The following ST6GALNAC3 variants were observed in gnomAD, a reference collection of about 807,000 sequenced individuals.
The protein encoded by ST6GALNAC3 is alpha-N-acetylgalactosaminide alpha-2,6-sialyltransferase 3.
ST6GALNAC3 carries 25 observed loss-of-function variants against 32.7 expected under a neutral mutation model. That is an observed-to-expected ratio of 0.76 (90% CI 0.56 to 1.07). The LOEUF is 1.07. Among genes scored for constraint, ST6GALNAC3 ranks in the 50% least tolerant of loss-of-function variants. The probability of loss-of-function intolerance (pLI) is 0.00; values close to 1 mark genes in which losing one functional copy is unlikely to be tolerated. For synonymous variants in ST6GALNAC3, 129 were observed against 133.1 expected (o/e 0.97, Z 0.21); for missense variants, 355 against 382.4 (o/e 0.93, Z 0.60).
chr1:76,379,932 G>A (rs186631731), intron 2 of ST6GALNAC3, among the ~76,000 whole-genome samples: 1 of 152,176 alleles, frequency 6.6e-6, no homozygotes, highest in Non-Finnish European at 1.5e-5. Flanking sequence ...GAAGAGGAAG[G>A]GGGAGGATAT....
chr1:76,612,918 G>A (rs1029501300), intron 3 of ST6GALNAC3, among the ~76,000 whole-genome samples: 8 of 152,188 alleles, frequency 5.3e-5, no homozygotes, highest in African/African-American at 9.7e-5. Context: ...TTGTGCTGAC[G>A]GAGAACTACA....
chr1:76,225,446 T>C (rs1213594388), intron 1 of ST6GALNAC3, among the ~76,000 whole-genome samples: 3 of 152,032 alleles, frequency 2.0e-5, no homozygotes, highest in African/African-American at 7.2e-5. Flanking sequence ...TTAATGAAGA[T>C]GAGAAACAGA....
intron 1 of ST6GALNAC3, among the ~76,000 whole-genome samples, chr1:76,306,293 G>C (rs1189470059): frequency 6.6e-6 from 1 of 151,960 alleles, no homozygotes; most frequent in East Asian, 1.9e-4. Flanking sequence ...CAATTGTATA[G>C]ACTCTTATTG....
intron 2 of ST6GALNAC3, among the ~76,000 whole-genome samples, chr1:76,341,678 T>TTTCTTTCTTTCCTTCC (rs1421303857): frequency 8.3e-6 from 1 of 121,202 alleles, no homozygotes; most frequent in Non-Finnish European, 1.7e-5. Context: ...TCTTTCTTTC[T>TTTCTTTCTTTCCTTCC]TTCCTTCTTT....
chr1:76,593,294 G>T (rs574215209), intron 3 of ST6GALNAC3, among the ~76,000 whole-genome samples: 15 of 152,246 alleles, frequency 9.9e-5, no homozygotes, highest in Admixed American at 3.3e-4. Context: ...GAACTGTGTT[G>T]TTTTGAAGAC....
At chr1:76,576,601 C>T (rs188732917) in intron 3 of ST6GALNAC3, among the ~76,000 whole-genome samples, 1 of 151,962 alleles carries the variant, frequency 6.6e-6, no homozygotes. Context: ...CTCTGGCTTA[C>T]AAAAGAGACA....
chr1:76,600,227 A>G (rs1647201913), intron 3 of ST6GALNAC3, among the ~76,000 whole-genome samples: 1 of 152,116 alleles, frequency 6.6e-6, no homozygotes, highest in East Asian at 1.9e-4. Flanking sequence ...TACACAGAAG[A>G]GGGCTCTCAC....
intron 3 of ST6GALNAC3, among the ~76,000 whole-genome samples, chr1:76,513,168 G>A (rs1459769031): frequency 6.6e-6 from 1 of 151,824 alleles, no homozygotes; most frequent in Non-Finnish European, 1.5e-5. Context: ...TTGCTTTTGT[G>A]TCCTATGCTT....
At chr1:76,589,974 T>G (rs140910766) in intron 3 of ST6GALNAC3, among the ~76,000 whole-genome samples, 17 of 152,226 alleles carry the variant, frequency 1.1e-4, no homozygotes, top group Non-Finnish European at 2.4e-4. Flanking sequence ...CAGCGTCACC[T>G]TCTCTTTCAA....
At chr1:76,352,050 G>T (rs533576201) in intron 2 of ST6GALNAC3, among the ~76,000 whole-genome samples, 1 of 151,760 alleles carries the variant, frequency 6.6e-6, no homozygotes, top group South Asian at 2.1e-4. Flanking sequence ...TGTGGGAGGG[G>T]GTATAAGTAG....
In ST6GALNAC3 at chr1:76,342,755, T is replaced by TA. The variant is rs530657359; in HGVS notation, c.213+28757dup. On this transcript the variant is annotated intron_variant, in intron 2 of 4. Coordinates refer to ENST00000328299, the MANE Select transcript of ST6GALNAC3 (RefSeq NM_152996.4). ...CTAATATCTGTTTTTTTTAATTTTT[T>TA]ATAGTAGCCATTCTGATTGGTATGA... is the stretch of plus-strand genomic sequence containing the variant. 6.1e-3 allele frequency among the ~76,000 whole-genome samples: 925 copies of TA among 152,206 alleles called. 3 individuals carry two copies. The highest frequency in any genetic ancestry group is 0.021 in the African/African-American group (878 of 41,560).
chr1:76,252,348 C>A (rs958525601), intron 1 of ST6GALNAC3, among the ~76,000 whole-genome samples: 1 of 152,180 alleles, frequency 6.6e-6, no homozygotes, highest in Non-Finnish European at 1.5e-5. Context: ...TGACCTCCCC[C>A]CAACCTTGAG....
intron 1 of ST6GALNAC3, chr1:76,313,523 T>C (rs377644743): frequency 2.1e-6 from 1 of 470,210 alleles, no homozygotes; most frequent in East Asian, 4.3e-5. Flanking sequence ...ATTGGGGTTT[T>C]GCAAACTGAA....
chr1:76,207,103 A>C (rs180939417), intron 1 of ST6GALNAC3, among the ~76,000 whole-genome samples: 1 of 152,320 alleles, frequency 6.6e-6, no homozygotes, highest in East Asian at 1.9e-4. Flanking sequence ...CTATAATTTT[A>C]ATAGTCACTG....
chr1:76,306,281 G>A (rs1661045949), intron 1 of ST6GALNAC3, among the ~76,000 whole-genome samples: 1 of 152,026 alleles, frequency 6.6e-6, no homozygotes, highest in Admixed American at 6.6e-5. Flanking sequence ...CCCTTTGACA[G>A]TCAATTGTAT....
At chr1:76,574,487 T>C (rs1329650650) in intron 3 of ST6GALNAC3, among the ~76,000 whole-genome samples, 3 of 151,346 alleles carry the variant, frequency 2.0e-5, no homozygotes, top group Non-Finnish European at 4.4e-5. Context: ...TAAGCAGTAA[T>C]TATCAGCCTC....
chr1:76,570,508 C>T (rs569052351), intron 3 of ST6GALNAC3, among the ~76,000 whole-genome samples: 6 of 152,204 alleles, frequency 3.9e-5, no homozygotes, highest in African/African-American at 1.2e-4. Context: ...TAAAACTCTT[C>T]TATACTTCAT....
At chr1:76,363,819 A>G (rs897521469) in intron 2 of ST6GALNAC3, among the ~76,000 whole-genome samples, 4 of 152,152 alleles carry the variant, frequency 2.6e-5, no homozygotes, top group South Asian at 4.1e-4. Context: ...AGCAGGAAGA[A>G]GAGAGAGAGG....
At chr1:76,273,318 GA>G (rs147477452) in intron 1 of ST6GALNAC3, among the ~76,000 whole-genome samples, 6,411 of 147,758 alleles carry the variant, frequency 0.043, 443 homozygotes, top group African/African-American at 0.15. Context: ...AAAAAAATAG[GA>G]AAAAAAAACA....
Sources: gnomAD v4.1 joint callset for allele counts (sites outside exome capture counted in the v4.1 genomes callset) on GRCh38, gnomAD v4.1.1 for gene constraint, MANE v1.5 for transcripts, NCBI Gene and HGNC (gene_info 2026-07-23, HGNC 2026-07-21) for gene names.